KAT7: variants seen among roughly 807,000 people sequenced by gnomAD.
The protein encoded by KAT7 is lysine acetyltransferase 7, also known as histone acetyltransferase KAT7.
A neutral mutation model predicts 82.1 loss-of-function variants in KAT7; 10 were observed. The ratio of observed to expected loss-of-function variants is 0.12; its 90% CI spans 0.08 to 0.21. The LOEUF (loss-of-function observed/expected upper bound fraction) is 0.21. KAT7 is among the 10% of genes least tolerant of loss of function. KAT7 has a pLI of 1.00. For missense variants in KAT7, 378 were observed against 760.9 expected (o/e 0.50, Z 5.92); for synonymous variants, 250 against 262.5 (o/e 0.95, Z 0.46).
Position 49,833,231 on chromosome 17 carries a change from C to T in KAT7, c.*5729C>T, listed in dbSNP as rs2074438540. On this transcript the variant is annotated 3_prime_UTR_variant, in exon 15 of 15. Coordinates refer to ENST00000259021, the MANE Select transcript of KAT7 (RefSeq NM_007067.5). ...GTACAACTCTGGCTCCATGGCTCCTCACAAATGTTCCATGTGAGATATAAA... is the reference window on the plus strand; with the variant it reads ...GTACAACTCTGGCTCCATGGCTCCTTACAAATGTTCCATGTGAGATATAAA... 1 of 152,220 alleles carries T rather than the reference C, an allele frequency of 6.6e-6. No homozygotes were observed. The highest frequency in any genetic ancestry group is 2.4e-5 in the African/African-American group (1 of 41,456). 9.4% of individuals were successfully genotyped at this position (152,220 alleles called of 1,614,324 possible). A position where few individuals can be genotyped will look rare whatever the true frequency, so the allele number is the denominator to read the frequency against.
intron 12 of KAT7, among the ~76,000 whole-genome samples, chr17:49,824,082 G>A (rs920539791): frequency 6.6e-6 from 1 of 152,140 alleles, no homozygotes; most frequent in African/African-American, 2.4e-5. Context: ...TATTAAATAA[G>A]GCATTTTTAA....
intron 11 of KAT7, 95 bp downstream of exon 11, chr17:49,821,885 A>G (rs1444307235): frequency 5.4e-6 from 6 of 1,114,318 alleles, no homozygotes; most frequent in Non-Finnish European, 6.6e-6. Flanking sequence ...AAGAAGCTGT[A>G]CTCTGGGCAA....
Position 49,829,839 on chromosome 17 carries a change from T to G in KAT7, c.*2337T>G, listed in dbSNP as rs2144010725. The G allele has an allele frequency of 6.6e-6, 1 of 152,152 alleles. No homozygotes were observed. Among genetic ancestry groups the G allele is most frequent in the Non-Finnish European group, 1.5e-5 (1 of 68,012 alleles). 9.4% of individuals were successfully genotyped at this position (152,152 alleles called of 1,614,324 possible). A position where few individuals can be genotyped will look rare whatever the true frequency, so the allele number is the denominator to read the frequency against. ...ACCCCCACAGGTGTGGAAACAGAGT[T>G]TCACTTGCCTTGGCAACTTTGCATG... On this transcript the variant is annotated 3_prime_UTR_variant, in exon 15 of 15. Coordinates refer to ENST00000259021, the MANE Select transcript of KAT7 (RefSeq NM_007067.5).
At chr17:49,811,620 C>T (rs867458025) in intron 7 of KAT7, 46 bp downstream of exon 7, 24 of 960,552 alleles carry the variant, frequency 2.5e-5, no homozygotes, top group African/African-American at 3.3e-5. Context: ...CCTGCTATCA[C>T]ATTTGATTCC....
At chr17:49,815,367 A>G (rs2074221497) in intron 7 of KAT7, 1 of 152,816 alleles carries the variant, frequency 6.5e-6, no homozygotes, top group Non-Finnish European at 1.5e-5. Flanking sequence ...ACTAAGGCTT[A>G]GAAAATCTGG....
chr17:49,789,824 G>A (rs530072075), intron 1 of KAT7: 1 of 152,290 alleles, frequency 6.6e-6, no homozygotes, highest in South Asian at 2.1e-4. Context: ...TATACAAGGT[G>A]TTGCTGGAAG....
At chr17:49,791,742 TG>T in intron 1 of KAT7, 143 bp from the exon 2 acceptor site, 1 of 720,160 alleles carries the variant, frequency 1.4e-6, no homozygotes, top group Non-Finnish European at 2.4e-6. Context: ...CCTGAGGGGG[TG>T]GGAGGATGAG....
At chr17:49,809,042 TATC>T (rs2143915729) in intron 5 of KAT7, 74 bp from the exon 6 acceptor site, 1 of 1,100,798 alleles carries the variant, frequency 9.1e-7, no homozygotes, top group African/African-American at 1.5e-5. Context: ...TCCAAGGCAT[TATC>T]ATTGTATTCT....
chr17:49,818,223 C>T (rs1466795764), intron 9 of KAT7, among the ~76,000 whole-genome samples: 1 of 152,094 alleles, frequency 6.6e-6, no homozygotes, highest in Non-Finnish European at 1.5e-5. Flanking sequence ...CAGCTGAGGG[C>T]CCTTACCCAC....
In KAT7 at chr17:49,831,617, C is replaced by T. The variant is rs2074425468; in HGVS notation, c.*4115C>T. 6.6e-6 allele frequency: 1 copy of T among 152,152 alleles called. No homozygotes were observed. The highest frequency in any genetic ancestry group is 1.5e-5 in the Non-Finnish European group (1 of 68,034). 9.4% of individuals were successfully genotyped at this position (152,152 alleles called of 1,614,324 possible). A position where few individuals can be genotyped will look rare whatever the true frequency, so the allele number is the denominator to read the frequency against. ...TATGAGGTCTGGTCACCTGATGCTT[C>T]CATGCTATTTTCCCATTTCTTATCT... On this transcript the variant is annotated 3_prime_UTR_variant, in exon 15 of 15. Transcript: ENST00000259021.
Position 49,792,704 on chromosome 17 carries a change from C to T in KAT7, c.163+671C>T, listed in dbSNP as rs533773752. Reference sequence around the variant, plus strand: ...TATTCAACACTTTATTAAAAATAGGCTTTGTGTTAGATGATTGTGCACAAT... The same window carrying T: ...TATTCAACACTTTATTAAAAATAGGTTTTGTGTTAGATGATTGTGCACAAT... On this transcript the variant is annotated intron_variant, in intron 2 of 14. Transcript: ENST00000259021. Among the ~76,000 whole-genome samples, 4 of 152,200 alleles carry T rather than the reference C, an allele frequency of 2.6e-5. No homozygotes were observed. The South Asian group carries it at 6.2e-4, about 24-fold the overall frequency.
intron 4 of KAT7, among the ~76,000 whole-genome samples, chr17:49,800,791 G>T (rs2074014948): frequency 1.3e-5 from 2 of 152,122 alleles, no homozygotes; most frequent in Non-Finnish European, 2.9e-5. Context: ...GATAAATGCT[G>T]TGAAGGAAAA....
chr17:49,804,245 G>T (rs913263354), intron 4 of KAT7, among the ~76,000 whole-genome samples: 1 of 152,030 alleles, frequency 6.6e-6, no homozygotes, highest in Non-Finnish European at 1.5e-5. Flanking sequence ...CGGGCGTGGC[G>T]GCAGGCGCCT....
chr17:49,800,045 T>C (rs2074004080), intron 4 of KAT7, among the ~76,000 whole-genome samples: 1 of 131,826 alleles, frequency 7.6e-6, no homozygotes, highest in South Asian at 2.7e-4. Context: ...TGAGTCTCGC[T>C]CTGTCCCCCA....
At chr17:49,814,727 A>G (rs556226770) in intron 7 of KAT7, among the ~76,000 whole-genome samples, 1 of 151,780 alleles carries the variant, frequency 6.6e-6, no homozygotes, top group African/African-American at 2.4e-5. Context: ...TTTTTTTTCC[A>G]GTGTTCCTCA....
chr17:49,789,069 C>A, intron 1 of KAT7: 1 of 412,882 alleles, frequency 2.4e-6, no homozygotes. Context: ...TTGCCTGGAT[C>A]GGAGGCGTTC....
At chr17:49,799,082 T>C (rs1191984603) in intron 4 of KAT7, among the ~76,000 whole-genome samples, 1 of 152,208 alleles carries the variant, frequency 6.6e-6, no homozygotes, top group Admixed American at 6.5e-5. Flanking sequence ...ATAAAATATT[T>C]CTTCTGTGAT....
In KAT7 at chr17:49,818,104, C is replaced by T; in HGVS notation, c.1155+93C>T. On this transcript the variant is annotated intron_variant, in intron 9 of 14. Coordinates refer to ENST00000259021, the MANE Select transcript of KAT7 (RefSeq NM_007067.5). ...CATAGCGATGGCATCTGTTCAGGCA[C>T]CTTCTCAGTGGTCCTCAGCAGTGGG... 3.1e-6 allele frequency: 3 copies of T among 956,524 alleles called. No homozygotes were observed. The East Asian group carries it at 7.4e-5, about 24-fold the overall frequency. 59.3% of individuals were successfully genotyped at this position (956,524 alleles called of 1,614,324 possible).
intron 6 of KAT7, among the ~76,000 whole-genome samples, chr17:49,810,364 C>G (rs749632461): frequency 6.6e-6 from 1 of 152,190 alleles, no homozygotes; most frequent in Admixed American, 6.5e-5. Context: ...TCAAGTGATT[C>G]TCTTGCCTCA....
Sources: allele counts gnomAD v4.1 joint callset (sites outside exome capture counted in the v4.1 genomes callset), GRCh38; gene constraint gnomAD v4.1.1; transcripts MANE v1.5; gene names NCBI Gene and HGNC (gene_info 2026-07-23, HGNC 2026-07-21).